The following DMD variants were observed in gnomAD, a reference collection of about 807,000 sequenced individuals.
DMD encodes dystrophin.
A neutral mutation model predicts 330.1 loss-of-function variants in DMD; 63 were observed. That is an observed-to-expected ratio of 0.19 (90% confidence interval 0.16 to 0.24). The LOEUF (loss-of-function observed/expected upper bound fraction) is 0.24, where lower values mean the gene tolerates loss of function less well. DMD is among the 10% of genes least tolerant of loss of function. The probability of loss-of-function intolerance (pLI) is 1.00; values close to 1 mark genes in which losing one functional copy is unlikely to be tolerated. For synonymous variants in DMD, 1,223 were observed against 959.8 expected, an observed-to-expected ratio of 1.27 and a Z score of -5.07; for missense variants, 3,344 against 2,684.1, an observed-to-expected ratio of 1.25 and a Z score of -5.43.
At chrX:32,175,867 G>A (rs868693905) in intron 44 of DMD, among the ~76,000 whole-genome samples, 4 of 111,781 alleles carry the variant, frequency 3.6e-5, no homozygotes, top group Middle Eastern at 9.3e-3. Context: ...ACGGAGGGAG[G>A]TGAACGTTCA....
rs916010321 is a variant in DMD, at chrX:31,389,524, G to A, written c.9085-40890C>T. Among the ~76,000 whole-genome samples the A allele has an allele frequency of 3.6e-5, 4 of 111,846 alleles. No homozygotes were observed. The Admixed American group carries it at 3.8e-4, about 11-fold the overall frequency. ...TACCATTCCAGATATAGTGCAGTAA[G>A]GAATAAGATAAAGATGCCGAAACTC... is the stretch of plus-strand genomic sequence containing the variant. On this transcript the variant is annotated intron_variant, in intron 60 of 78. Coordinates refer to ENST00000357033, the MANE Select transcript of DMD (RefSeq NM_004006.3).
chrX:32,082,776 A>G (rs1318312834), intron 44 of DMD, among the ~76,000 whole-genome samples: 6 of 111,863 alleles, frequency 5.4e-5, no homozygotes, highest in Admixed American at 9.5e-5. Context: ...CAAAAGTCCT[A>G]TGTAAATTGA....
intron 3 of DMD, among the ~76,000 whole-genome samples, chrX:32,847,964 G>A (rs757036425): frequency 4.5e-5 from 5 of 112,063 alleles, no homozygotes; most frequent in Admixed American, 3.8e-4. Flanking sequence ...TCTCATATCT[G>A]AGTATAAACA....
intron 1 of DMD, among the ~76,000 whole-genome samples, chrX:33,060,799 T>C (rs1462311564): frequency 9.7e-6 from 1 of 103,030 alleles, no homozygotes; most frequent in Non-Finnish European, 2.0e-5. Flanking sequence ...ATCATGCCAC[T>C]GCATTCCAGC....
At chrX:32,541,980 T>C (rs2048528346) in intron 17 of DMD, among the ~76,000 whole-genome samples, 1 of 111,829 alleles carries the variant, frequency 8.9e-6, no homozygotes, top group Non-Finnish European at 1.9e-5. Flanking sequence ...TGTTTGCATT[T>C]GATGAACATT....
At chrX:31,793,589 A>G (rs963965012) in intron 50 of DMD, among the ~76,000 whole-genome samples, 1 of 112,085 alleles carries the variant, frequency 8.9e-6, no homozygotes, top group African/African-American at 3.2e-5. Context: ...GAACACTTAC[A>G]TTAGCCTACA....
chrX:31,289,223 C>CCACTG (rs200524194), intron 62 of DMD, among the ~76,000 whole-genome samples: 3,956 of 93,561 alleles, frequency 0.042, 377 homozygotes, highest in African/African-American at 0.16. Flanking sequence ...AGGTTGCAGT[C>CCACTG]CACTGCACTC....
chrX:33,065,581 C>T (rs1418544493), intron 1 of DMD, among the ~76,000 whole-genome samples: 1 of 98,601 alleles, frequency 1.0e-5, no homozygotes, highest in South Asian at 5.3e-4. Context: ...AGATTATAAG[C>T]CGGTCTCACA....
At chrX:32,128,768 A>G (rs2096673751) in intron 44 of DMD, among the ~76,000 whole-genome samples, 1 of 112,355 alleles carries the variant, frequency 8.9e-6, no homozygotes, top group Admixed American at 9.5e-5. Flanking sequence ...TTAAGAAAGC[A>G]AAACTGAAAT....
intron 11 of DMD, among the ~76,000 whole-genome samples, chrX:32,627,562 G>A (rs2058434714): frequency 9.0e-6 from 1 of 110,851 alleles, no homozygotes; most frequent in South Asian, 3.8e-4. Context: ...GGAAACAAAG[G>A]CTTACTTGGG....
At chrX:32,305,585 T>A (rs2097537516) in intron 42 of DMD, among the ~76,000 whole-genome samples, 1 of 111,531 alleles carries the variant, frequency 9.0e-6, no homozygotes. Flanking sequence ...GCATCTCTTT[T>A]TCAACTCTTG....
chrX:31,514,237 G>C, intron 55 of DMD, among the ~76,000 whole-genome samples: 1 of 111,886 alleles, frequency 8.9e-6, no homozygotes, highest in South Asian at 3.7e-4. Flanking sequence ...AACAAATAAT[G>C]TGTGTCCCCA....
chrX:31,905,738 T>C lies in DMD; in HGVS notation c.6912+23858A>G, dbSNP rs183718380. Among the ~76,000 whole-genome samples the C allele has an allele frequency of 2.1e-3, 235 of 111,183 alleles. 1 individual carries two copies. Among genetic ancestry groups the C allele is most frequent in the Non-Finnish European group, 3.8e-3 (202 of 52,993 alleles). On this transcript the variant is annotated intron_variant, in intron 47 of 78. Coordinates refer to ENST00000357033, the MANE Select transcript of DMD (RefSeq NM_004006.3). ...AAAAATTATAGCATGAAAATAGAGA[T>C]GTAGTGTACTAACATGTAATATAGA...
At chrX:32,512,060 C>A (rs902285087) in intron 18 of DMD, among the ~76,000 whole-genome samples, 4 of 110,859 alleles carry the variant, frequency 3.6e-5, no homozygotes, top group African/African-American at 1.3e-4. Flanking sequence ...AAATGGGTAA[C>A]CTAAATGCAA....
At chrX:31,563,355 C>T (rs756622035) in intron 55 of DMD, among the ~76,000 whole-genome samples, 14 of 112,135 alleles carry the variant, frequency 1.2e-4, no homozygotes, top group Non-Finnish European at 2.3e-4. Flanking sequence ...CCACCATGCC[C>T]GGCCTCCAAA....
intron 12 of DMD, among the ~76,000 whole-genome samples, chrX:32,611,101 G>A (rs2057133219): frequency 9.1e-6 from 1 of 110,380 alleles, no homozygotes; most frequent in Non-Finnish European, 1.9e-5. Flanking sequence ...TTGCTAAATT[G>A]TTTGATGTTA....
intron 70 of DMD, 79 bp downstream of exon 70, chrX:31,178,590 G>T (rs1330470415): frequency 8.9e-7 from 1 of 1,120,435 alleles, no homozygotes; most frequent in Non-Finnish European, 1.2e-6. Flanking sequence ...TTGCATTTGG[G>T]AGTGAAGGAG....
intron 7 of DMD, among the ~76,000 whole-genome samples, chrX:32,715,846 G>A (rs945954014): frequency 5.4e-5 from 6 of 111,069 alleles, no homozygotes; most frequent in South Asian, 7.7e-4. Flanking sequence ...AGATGGAGCC[G>A]AAGAACATTA....
intron 2 of DMD, among the ~76,000 whole-genome samples, chrX:33,016,071 T>G (rs1027451316): frequency 2.7e-5 from 3 of 110,270 alleles, no homozygotes; most frequent in Non-Finnish European, 5.7e-5. Context: ...GACAAGATAA[T>G]GAAGGAATTC....
Sources: gnomAD v4.1 joint callset for allele counts (sites outside exome capture counted in the v4.1 genomes callset) on GRCh38, gnomAD v4.1.1 for gene constraint, MANE v1.5 for transcripts, NCBI Gene and HGNC (gene_info 2026-07-23, HGNC 2026-07-21) for gene names.